CCDC30: variants seen among roughly 807,000 people sequenced by gnomAD.
The protein encoded by CCDC30 is coiled-coil domain containing 30, also known as coiled-coil domain-containing protein 30.
A neutral mutation model predicts 100.2 loss-of-function variants in CCDC30; 70 were observed. That is an observed-to-expected ratio of 0.70 (90% CI 0.58 to 0.85). The LOEUF (loss-of-function observed/expected upper bound fraction) is 0.85. CCDC30 is among the 40% of genes least tolerant of loss of function. The probability of loss-of-function intolerance (pLI) is 0.00; values close to 1 mark genes in which losing one functional copy is unlikely to be tolerated. For missense variants in CCDC30, 652 were observed against 771.2 expected (o/e 0.85, Z 1.83); for synonymous variants, 233 against 269.5 (o/e 0.86, Z 1.33).
chr1:42,486,299 G>A (rs560839213), intron 3 of CCDC30, among the ~76,000 whole-genome samples: 1 of 152,242 alleles, frequency 6.6e-6, no homozygotes, highest in South Asian at 2.1e-4. Context: ...CAGCACACCC[G>A]ACACTGCTAT....
intron 6 of CCDC30, among the ~76,000 whole-genome samples, chr1:42,519,625 C>T (rs1644605481): frequency 6.6e-6 from 1 of 152,192 alleles, no homozygotes; most frequent in South Asian, 2.1e-4. Context: ...CGTCTCGGCT[C>T]ACTGCATCCT....
chr1:42,652,387 G>A (rs1648425546), intron 15 of CCDC30, among the ~76,000 whole-genome samples: 1 of 152,064 alleles, frequency 6.6e-6, no homozygotes, highest in East Asian at 1.9e-4. Flanking sequence ...AAGTATTTGA[G>A]GTGATGGATA....
At chr1:42,646,660 G>A (rs1647906812) in intron 15 of CCDC30, among the ~76,000 whole-genome samples, 1 of 152,224 alleles carries the variant, frequency 6.6e-6, no homozygotes, top group South Asian at 2.1e-4. Context: ...TCCTGGGCAT[G>A]AGCCCCTAGA....
chr1:42,543,519 C>T (rs1645058994), intron 6 of CCDC30, among the ~76,000 whole-genome samples: 2 of 152,058 alleles, frequency 1.3e-5, no homozygotes, highest in Admixed American at 1.3e-4. Context: ...TGGGGATTCA[C>T]CATGTTGGCC....
intron 11 of CCDC30, among the ~76,000 whole-genome samples, chr1:42,628,385 T>C (rs964603918): frequency 1.3e-5 from 2 of 152,124 alleles, no homozygotes; most frequent in Non-Finnish European, 2.9e-5. Context: ...CTGTGGACTT[T>C]TGGGTTAATG....
At chr1:42,533,029 T>C (rs1377898759) in intron 6 of CCDC30, among the ~76,000 whole-genome samples, 2 of 152,234 alleles carry the variant, frequency 1.3e-5, no homozygotes, top group African/African-American at 4.8e-5. Context: ...AGTGCTGGGA[T>C]TACAGGCGTG....
At chr1:42,529,373 G>A (rs570246616) in intron 6 of CCDC30, among the ~76,000 whole-genome samples, 2 of 152,328 alleles carry the variant, frequency 1.3e-5, no homozygotes, top group East Asian at 3.9e-4. Context: ...TTGGGGGGCT[G>A]AGGCAGGAGA....
the CCDC30 span, chr1:42,456,980 G>A: frequency 6.2e-7 from 1 of 1,603,046 alleles, no homozygotes; most frequent in Non-Finnish European, 8.5e-7. Context: ...CCAGGAGGCT[G>A]CGGCTGCAGG....
chr1:42,498,626 C>G lies in CCDC30; in HGVS notation c.358-192C>G, dbSNP rs1009081619. Reference sequence around the variant, plus strand: ...AAGTTCAGGTAGGGTACATTCCAAGCAGTGTTATTTCTGGAAAGGGAGGAC... The same window carrying G: ...AAGTTCAGGTAGGGTACATTCCAAGGAGTGTTATTTCTGGAAAGGGAGGAC... On this transcript the variant is annotated intron_variant, in intron 5 of 16. Coordinates refer to ENST00000668663, the Ensembl canonical transcript of CCDC30. 2.6e-5 allele frequency among the ~76,000 whole-genome samples: 4 copies of G among 152,120 alleles called. No individual in the cohort carries two copies. In the East Asian group the frequency reaches 7.7e-4, roughly 29 times the overall value.
Position 42,544,584 on chromosome 1 carries a change from G to T in CCDC30, c.457-21712G>T, listed in dbSNP as rs148977295. ...GGCTGGAGTGCGGTGGCCTGATCTCGGCTCATTGCAATCTCCACCTCCCAG... is the reference window on the plus strand; with the variant it reads ...GGCTGGAGTGCGGTGGCCTGATCTCTGCTCATTGCAATCTCCACCTCCCAG... On this transcript the variant is annotated intron_variant, in intron 6 of 16. Transcript: ENST00000668663. 2.6e-5 allele frequency among the ~76,000 whole-genome samples: 4 copies of T among 152,128 alleles called. No individual in the cohort carries two copies. In the East Asian group the frequency reaches 5.8e-4, roughly 22 times the overall value.
rs918739166 is a variant in CCDC30 at position 42,581,589 on chromosome 1, A to G, written c.1001+75A>G. The G allele has an allele frequency of 2.3e-5, 32 of 1,373,822 alleles. 1 individual carries two copies. Among genetic ancestry groups the G allele is most frequent in the Non-Finnish European group, 3.1e-5 (31 of 1,004,380 alleles). 85.1% of individuals were successfully genotyped at this position (1,373,822 alleles called of 1,614,324 possible). A position where few individuals can be genotyped will look rare whatever the true frequency, so the allele number is the denominator to read the frequency against. On this transcript the variant is annotated intron_variant, in intron 9 of 16. Coordinates refer to ENST00000668663, the Ensembl canonical transcript of CCDC30. ...TTAATCAGCAATATCAATTTTTTCT[A>G]ACAGAATATCAGAGAGTATTTCTGC...
chr1:42,641,216 TGTG>T lies in CCDC30; in HGVS notation c.1420-1256_1420-1254del, dbSNP rs1332996351. Among the ~76,000 whole-genome samples the T allele has an allele frequency of 2.5e-4, 7 of 28,390 alleles. No individual in the cohort carries two copies. In the East Asian group the frequency reaches 7.1e-3, roughly 29 times the overall value. The allele number at this position is 28,390 out of a possible 152,430, so 18.6% of individuals were successfully genotyped here. ...AGCCTTGAACTCCACACATGGCTTTTGTGTGTGTGTGTGTGTGTGTGTGTGTGT... is the reference window on the plus strand; with the variant it reads ...AGCCTTGAACTCCACACATGGCTTTTTGTGTGTGTGTGTGTGTGTGTGTGT... On this transcript the variant is annotated intron_variant, in intron 12 of 16. Coordinates refer to ENST00000668663, the Ensembl canonical transcript of CCDC30.
chr1:42,559,364 T>A (rs1342424035), intron 6 of CCDC30, among the ~76,000 whole-genome samples: 2 of 151,850 alleles, frequency 1.3e-5, no homozygotes, highest in Non-Finnish European at 2.9e-5. Context: ...GGATAAGGAG[T>A]CAAGACCCAT....
At chr1:42,566,082 T>C (rs936502453) in intron 6 of CCDC30, among the ~76,000 whole-genome samples, 2 of 152,186 alleles carry the variant, frequency 1.3e-5, no homozygotes, top group Admixed American at 1.3e-4. Context: ...CATAATTTTA[T>C]TGTTATTTTC....
chr1:42,487,110 CAAAAAAAAAAA>C (rs58763328), intron 3 of CCDC30, among the ~76,000 whole-genome samples: 1 of 91,108 alleles, frequency 1.1e-5, no homozygotes, highest in African/African-American at 4.0e-5. Context: ...TGCCCTGTCT[CAAAAAAAAAAA>C]AAAAAAAAAA....
intron 1 of CCDC30, among the ~76,000 whole-genome samples, chr1:42,472,567 T>C (rs1643806186): frequency 6.6e-6 from 1 of 152,142 alleles, no homozygotes; most frequent in Non-Finnish European, 1.5e-5. Flanking sequence ...AAAGACTTCT[T>C]TGGACTTTAA....
intron 6 of CCDC30, among the ~76,000 whole-genome samples, chr1:42,535,688 C>A (rs1644882581): frequency 4.8e-4 from 1 of 2,102 alleles, no homozygotes; most frequent in African/African-American, 2.4e-3. Flanking sequence ...GGTGAAATCC[C>A]ATCACTACTA....
chr1:42,598,801 C>A (rs754948037), intron 10 of CCDC30, among the ~76,000 whole-genome samples: 5 of 151,936 alleles, frequency 3.3e-5, no homozygotes, highest in African/African-American at 4.8e-5. Flanking sequence ...TGGCTCACAC[C>A]TGTAATCCCA....
chr1:42,590,635 G>A (rs900454042), intron 10 of CCDC30: 2 of 152,216 alleles, frequency 1.3e-5, no homozygotes, highest in Non-Finnish European at 2.9e-5. Flanking sequence ...TACTCAGGAG[G>A]CTGAGGTGGG....
Sources: gnomAD v4.1 joint callset for allele counts (sites outside exome capture counted in the v4.1 genomes callset) on GRCh38, gnomAD v4.1.1 for gene constraint, MANE v1.5 for transcripts, NCBI Gene and HGNC (gene_info 2026-07-23, HGNC 2026-07-21) for gene names.